Variants in DST observed in about 807,000 individuals in gnomAD.
DST encodes dystonin.
Under a neutral mutation model 875.2 loss-of-function variants are expected in DST, and 253 were observed. The observed-to-expected ratio is 0.29, with a 90% CI of 0.26 to 0.32. The LOEUF is 0.32. Ranked by LOEUF, DST falls within the 10% of genes least tolerant of loss-of-function variation. The pLI, the probability that DST is intolerant of heterozygous loss-of-function variation, is 1.00. For synonymous variants in DST, 3,124 were observed against 3,197.1 expected, an observed-to-expected ratio of 0.98 and a Z score of 0.77; for missense variants, 8,287 against 9,111.6, an observed-to-expected ratio of 0.91 and a Z score of 3.68.
At chr6:56,536,042 G>A (rs1264768667) in intron 62 of DST, among the ~76,000 whole-genome samples, 1 of 152,180 alleles carries the variant, frequency 6.6e-6, no homozygotes, top group African/African-American at 2.4e-5. Flanking sequence ...GGTACCTGCT[G>A]AAGATGTCAA....
chr6:56,704,587 T>G (rs1032617893), intron 5 of DST, among the ~76,000 whole-genome samples: 3 of 152,172 alleles, frequency 2.0e-5, no homozygotes, highest in African/African-American at 7.2e-5. Context: ...ACAATTCAAA[T>G]TATTACATTT....
chr6:56,514,933 C>A (rs2152485133), intron 72 of DST, among the ~76,000 whole-genome samples: 1 of 152,282 alleles, frequency 6.6e-6, no homozygotes, highest in East Asian at 1.9e-4. Flanking sequence ...GTTCCATGTA[C>A]CTAAGGTGAA....
chr6:56,617,897 G>T, intron 36 of DST: 1 of 1,133,548 alleles, frequency 8.8e-7, no homozygotes, highest in South Asian at 1.2e-5. Flanking sequence ...ATTCAAAATT[G>T]TTTTAAAAAT....
intron 9 of DST, among the ~76,000 whole-genome samples, chr6:56,681,462 C>T (rs1019813813): frequency 2.6e-5 from 4 of 152,226 alleles, no homozygotes; most frequent in African/African-American, 9.6e-5. Context: ...CAATTCCCAT[C>T]CCGTGCTACT....
chr6:56,617,219 C>G (rs1020460345), intron 36 of DST: 1 of 1,600,520 alleles, frequency 6.2e-7, no homozygotes, highest in Non-Finnish European at 8.5e-7. Context: ...TTCATCATCC[C>G]TGACTGAACA....
At chr6:56,731,894 A>C (rs2099500249) in intron 5 of DST, among the ~76,000 whole-genome samples, 1 of 152,216 alleles carries the variant, frequency 6.6e-6, no homozygotes. Context: ...TTGTTTTCTT[A>C]TAAAGTTGCT....
At chr6:56,493,447 TA>T (rs1299874092) in intron 83 of DST, among the ~76,000 whole-genome samples, 1 of 152,184 alleles carries the variant, frequency 6.6e-6, no homozygotes, top group Non-Finnish European at 1.5e-5. Flanking sequence ...ATACATACTT[TA>T]TGCTCCATCA....
intron 9 of DST, chr6:56,693,567 C>T (rs991201143): frequency 3.6e-5 from 8 of 223,144 alleles, no homozygotes; most frequent in Admixed American, 6.5e-5. Flanking sequence ...GGTGGTTCAA[C>T]GAATGAGAGC....
chr6:56,470,427 TCA>T, intron 95 of DST, 145 bp from the exon 96 acceptor site: 1 of 562,574 alleles, frequency 1.8e-6, no homozygotes, highest in Non-Finnish European at 2.9e-6. Context: ...CTGATTTACA[TCA>T]CAGCAAATGA....
At chr6:56,561,284 C>T (rs2097533113) in intron 57 of DST, 24 bp downstream of exon 57, 1 of 1,588,590 alleles carries the variant, frequency 6.3e-7, no homozygotes, top group Admixed American at 1.8e-5. Flanking sequence ...TCATGTCTTC[C>T]ATAGGTGCAC....
chr6:56,563,746 T>C lies in DST; in HGVS notation c.14006-1546A>G, dbSNP rs139399299. Among the ~76,000 whole-genome samples, 21 of 152,302 alleles carry C rather than the reference T, an allele frequency of 1.4e-4. No homozygotes were observed. The East Asian group carries it at 3.9e-3, about 28-fold the overall frequency. On this transcript the variant is annotated intron_variant, in intron 55 of 103. Coordinates refer to ENST00000680361, the MANE Select transcript of DST (RefSeq NM_001374736.1). ...TTTACGTCTTTAATCCATTTTCAGT[T>C]AGTTTTTGTATAAGGTGTAAGGAAG...
At chr6:56,833,648 G>A (rs754299889) in intron 4 of DST, among the ~76,000 whole-genome samples, 40 of 151,940 alleles carry the variant, frequency 2.6e-4, no homozygotes, top group Admixed American at 7.2e-4. Flanking sequence ...CTGTCAGATT[G>A]CTGAACTCAG....
intron 62 of DST, among the ~76,000 whole-genome samples, chr6:56,536,369 G>A (rs1402025212): frequency 2.0e-5 from 3 of 152,140 alleles, no homozygotes; most frequent in African/African-American, 7.2e-5. Context: ...AAAATAGGAA[G>A]GTTTCACATA....
chr6:56,491,221 GC>G (rs1422916105), intron 85 of DST, among the ~76,000 whole-genome samples: 21 of 152,112 alleles, frequency 1.4e-4, no homozygotes, highest in Non-Finnish European at 2.9e-4. Flanking sequence ...CATTTCTCAA[GC>G]CTTCAAACAT....
chr6:56,735,852 T>G (rs1375621414), intron 4 of DST, among the ~76,000 whole-genome samples: 1 of 151,862 alleles, frequency 6.6e-6, no homozygotes, highest in Non-Finnish European at 1.5e-5. Context: ...TAAGTAGTAA[T>G]TTATTATTAT....
chr6:56,872,091 A>C (rs1777460943), intron 3 of DST, among the ~76,000 whole-genome samples: 1 of 152,232 alleles, frequency 6.6e-6, no homozygotes, highest in Non-Finnish European at 1.5e-5. Flanking sequence ...ACACAAGAAA[A>C]ACTGCACATG....
intron 4 of DST, among the ~76,000 whole-genome samples, chr6:56,804,546 T>C (rs2099750962): frequency 6.6e-6 from 1 of 152,158 alleles, no homozygotes; most frequent in Non-Finnish European, 1.5e-5. Flanking sequence ...TGAGGCTCAA[T>C]ACAGGTTTAC....
intron 2 of DST, among the ~76,000 whole-genome samples, chr6:56,945,070 C>T (rs909934509): frequency 6.6e-6 from 1 of 152,186 alleles, no homozygotes; most frequent in African/African-American, 2.4e-5. Flanking sequence ...CAAGCAAAGC[C>T]TGTGGCCATC....
At chr6:56,474,804 A>T (rs1430605568) in intron 92 of DST, among the ~76,000 whole-genome samples, 1 of 151,700 alleles carries the variant, frequency 6.6e-6, no homozygotes, top group Admixed American at 6.6e-5. Flanking sequence ...CTCTACAAAA[A>T]ATTCAAAAAT....
Sources: gnomAD v4.1 joint callset for allele counts (sites outside exome capture counted in the v4.1 genomes callset) on GRCh38, gnomAD v4.1.1 for gene constraint, MANE v1.5 for transcripts, NCBI Gene and HGNC (gene_info 2026-07-23, HGNC 2026-07-21) for gene names.